ITPRID1: variants seen among roughly 807,000 people sequenced by gnomAD.
ITPRID1 encodes the protein ITPR interacting domain containing 1.
ITPRID1 carries 96 observed loss-of-function variants against 95.4 expected under a neutral mutation model. The observed-to-expected ratio is 1.01, with a 90% CI of 0.85 to 1.19. The LOEUF (loss-of-function observed/expected upper bound fraction) is 1.19. Ranked by LOEUF, ITPRID1 falls within the 50% of genes most tolerant of loss-of-function variation. ITPRID1 has a pLI of 0.00. For missense variants in ITPRID1, 1,339 were observed against 1,252.9 expected (o/e 1.07, Z -1.04); for synonymous variants, 510 against 453.6 (o/e 1.12, Z -1.58).
intron 10 of ITPRID1, among the ~76,000 whole-genome samples, chr7:31,584,424 T>C (rs73689142): frequency 0.012 from 1,873 of 152,300 alleles, 31 homozygotes; most frequent in African/African-American, 0.043. Context: ...CTGTTTCCCA[T>C]CTAATTGAAT....
rs148852318 is a variant in ITPRID1 at position 31,578,508 on chromosome 7, C to T, written c.1170+74C>T. 1.6e-4 allele frequency: 167 copies of T among 1,050,494 alleles called. 1 individual carries two copies. The Middle Eastern group carries it at 2.4e-3, about 15-fold the overall frequency. The allele number at this position is 1,050,494 out of a possible 1,614,324, so 65.1% of individuals were successfully genotyped here. ...TATGACACCCTTGTTTTCCAGCCCT[C>T]ATTTCACCACTTCATCTTTTAATCC... On this transcript the variant is annotated intron_variant, in intron 9 of 14. Coordinates refer to ENST00000615280, the MANE Select transcript of ITPRID1 (RefSeq NM_001257967.3).
chr7:31,539,288 G>A (rs749714579), intron 1 of ITPRID1, among the ~76,000 whole-genome samples: 1 of 152,116 alleles, frequency 6.6e-6, no homozygotes, highest in Non-Finnish European at 1.5e-5. Flanking sequence ...AGGCTCAAGT[G>A]ATCCTCCCAC....
At chr7:31,619,722 T>G (rs572261587) in intron 10 of ITPRID1, among the ~76,000 whole-genome samples, 282 of 152,100 alleles carry the variant, frequency 1.9e-3, no homozygotes, top group Non-Finnish European at 3.3e-3. Context: ...GAGGTACCAG[T>G]TCCATCTCAC....
rs180743847 is a variant in ITPRID1 at position 31,568,311 on chromosome 7, G to A, written c.257-1447G>A. On this transcript the variant is annotated intron_variant, in intron 5 of 14. Coordinates refer to ENST00000615280, the MANE Select transcript of ITPRID1 (RefSeq NM_001257967.3). The stretch of plus-strand genomic sequence containing the variant: ...AGAGACAAATTCACAGGTACCTGTC[G>A]TCTATTCATAGACCCTCTACTCAGA... 2.7e-4 allele frequency among the ~76,000 whole-genome samples: 41 copies of A among 152,090 alleles called. No individual in the cohort carries two copies. The East Asian group carries it at 5.8e-3, about 22-fold the overall frequency.
chr7:31,538,651 T>C (rs73083497), intron 1 of ITPRID1, among the ~76,000 whole-genome samples: 37,733 of 152,116 alleles, frequency 0.25, 4,883 homozygotes, highest in Middle Eastern at 0.36. Flanking sequence ...TTAGATATTT[T>C]TCATAATTAC....
At chr7:31,596,953 C>T (rs1786114790) in intron 10 of ITPRID1, among the ~76,000 whole-genome samples, 1 of 151,702 alleles carries the variant, frequency 6.6e-6, no homozygotes, top group African/African-American at 2.4e-5. Flanking sequence ...CATGTTTTTT[C>T]ATAAATTTGA....
intron 5 of ITPRID1, among the ~76,000 whole-genome samples, chr7:31,562,526 G>A (rs1373943374): frequency 1.3e-5 from 2 of 152,028 alleles, no homozygotes; most frequent in Non-Finnish European, 2.9e-5. Flanking sequence ...AAATTTTCTG[G>A]TCTATTTTAT....
chr7:31,569,713 G>C, intron 5 of ITPRID1, 45 bp from the exon 6 acceptor site: 3 of 1,529,872 alleles, frequency 2.0e-6, no homozygotes, highest in Non-Finnish European at 2.7e-6. Flanking sequence ...TCTTCCGCAA[G>C]ATAAAACGAA....
At chr7:31,568,521 G>A (rs770328764) in intron 5 of ITPRID1, among the ~76,000 whole-genome samples, 1 of 152,098 alleles carries the variant, frequency 6.6e-6, no homozygotes, top group Non-Finnish European at 1.5e-5. Flanking sequence ...GCACCCAGGA[G>A]AGCAACAAGT....
rs1309145263 is a variant in ITPRID1, at chr7:31,578,923, CG to C, written c.1170+494del. Among the ~76,000 whole-genome samples, 7 of 152,026 alleles carry C rather than the reference CG, an allele frequency of 4.6e-5. No homozygotes were observed. In the East Asian group the frequency reaches 1.2e-3, roughly 25 times the overall value. Reference sequence around the variant, plus strand: ...AAAAGACTCTCAGCTCCTTTAGGGCCGGGGGTGTGTGTGGGAAATGTTTCCC... The same window carrying C: ...AAAAGACTCTCAGCTCCTTTAGGGCCGGGGTGTGTGTGGGAAATGTTTCCC... On this transcript the variant is annotated intron_variant, in intron 9 of 14. Transcript: ENST00000615280.
Position 31,617,513 on chromosome 7 carries a change from C to T in ITPRID1, c.1229-24663C>T, listed in dbSNP as rs535989803. 5.3e-5 allele frequency among the ~76,000 whole-genome samples: 8 copies of T among 152,054 alleles called. No homozygotes were observed. The East Asian group carries it at 1.6e-3, about 29-fold the overall frequency. On this transcript the variant is annotated intron_variant, in intron 10 of 14. Transcript: ENST00000615280. The stretch of plus-strand genomic sequence containing the variant: ...TCTGCTTTTTGTAAAAAACAGAAAA[C>T]AACTTCATTGTGAGTGGAGATAAGA...
intron 10 of ITPRID1, among the ~76,000 whole-genome samples, chr7:31,590,436 G>A (rs1014043816): frequency 6.6e-6 from 1 of 152,106 alleles, no homozygotes. Context: ...TGTAAGAGGT[G>A]GTTGCAGTTG....
rs1160579422 is a variant in ITPRID1 at position 31,643,458 on chromosome 7, A to C, written c.2088A>C (p.Glu696Asp). Residue 696 changes from glutamate to aspartate, a missense_variant, in exon 12 of 15, where the codon GAA becomes GAC. Transcript: ENST00000615280. Reference protein sequence around the residue: ...QILPGTEAEMENLPLNTGSSR... With the variant: ...QILPGTEAEMDNLPLNTGSSR... ...TACCTGGGACAGAAGCTGAGATGGAAAACCTTCCTCTAAATACTGGCAGCT... is the reference window on the plus strand; with the variant it reads ...TACCTGGGACAGAAGCTGAGATGGACAACCTTCCTCTAAATACTGGCAGCT... The C allele has an allele frequency of 6.2e-7, 1 of 1,613,898 alleles. No individual in the cohort carries two copies. The highest frequency in any genetic ancestry group is 8.5e-7 in the Non-Finnish European group (1 of 1,179,904).
At chr7:31,652,379 T>C in intron 14 of ITPRID1, 139 bp from the exon 15 acceptor site, 1 of 1,306,680 alleles carries the variant, frequency 7.7e-7, no homozygotes, top group Admixed American at 2.8e-5. Flanking sequence ...GCTAAGTCAC[T>C]ATCAGAATCT....
At position 31,569,657 on chromosome 7, in the gene ITPRID1, A is replaced by G. The variant is rs1784914612; in HGVS notation, c.257-101A>G. 1.3e-5 allele frequency: 12 copies of G among 951,192 alleles called. 1 individual carries two copies. Among genetic ancestry groups the G allele is most frequent in the Non-Finnish European group, 1.9e-5 (12 of 616,768 alleles). 58.9% of individuals were successfully genotyped at this position (951,192 alleles called of 1,614,324 possible). A position where few individuals can be genotyped will look rare whatever the true frequency, so the allele number is the denominator to read the frequency against. ...GTATTTCATGCCTATATAACCTTGG[A>G]TATGGAAATTCAATTCTACCTTGGT... On this transcript the variant is annotated intron_variant, in intron 5 of 14. Transcript: ENST00000615280.
chr7:31,579,961 C>A (rs929017150), intron 9 of ITPRID1, among the ~76,000 whole-genome samples: 2 of 152,038 alleles, frequency 1.3e-5, no homozygotes, highest in Non-Finnish European at 2.9e-5. Context: ...CTTAATCTTG[C>A]AAAGATTATT....
intron 1 of ITPRID1, among the ~76,000 whole-genome samples, chr7:31,521,414 CAT>C (rs1250648143): frequency 6.6e-6 from 1 of 152,092 alleles, no homozygotes; most frequent in Non-Finnish European, 1.5e-5. Context: ...TTGATTCTAT[CAT>C]GGCATGAGAA....
intron 10 of ITPRID1, among the ~76,000 whole-genome samples, chr7:31,602,038 G>A (rs1258756775): frequency 6.6e-6 from 1 of 151,250 alleles, no homozygotes; most frequent in Non-Finnish European, 1.5e-5. Flanking sequence ...TTATGATAAG[G>A]GGTTTTTTTT....
intron 1 of ITPRID1, among the ~76,000 whole-genome samples, chr7:31,543,817 G>GTCATATCTAAATATTCA (rs776297250): frequency 1.6e-4 from 25 of 151,942 alleles, no homozygotes; most frequent in Non-Finnish European, 2.6e-4. Flanking sequence ...TTCCTTTGGT[G>GTCATATCTAAATATTCA]TCATATCTAA....
Sources: gnomAD v4.1 joint callset for allele counts (sites outside exome capture counted in the v4.1 genomes callset) on GRCh38, gnomAD v4.1.1 for gene constraint, MANE v1.5 for transcripts, NCBI Gene and HGNC (gene_info 2026-07-23, HGNC 2026-07-21) for gene names.